The following SNTG2 variants were observed in gnomAD, a reference collection of about 807,000 sequenced individuals.
SNTG2 encodes gamma-2-syntrophin.
In SNTG2, 74 loss-of-function variants were observed where a neutral mutation model predicts 70.9. The observed-to-expected ratio is 1.04, with a 90% CI of 0.86 to 1.27. The LOEUF (loss-of-function observed/expected upper bound fraction) is 1.27. Ranked by LOEUF, SNTG2 falls within the 50% of genes most tolerant of loss-of-function variation. The pLI is 0.00. For missense variants in SNTG2, 717 were observed against 690.7 expected, an observed-to-expected ratio of 1.04 and a Z score of -0.43; for synonymous variants, 278 against 273.8, an observed-to-expected ratio of 1.02 and a Z score of -0.15.
intron 16 of SNTG2, among the ~76,000 whole-genome samples, chr2:1,335,180 C>T (rs898815848): frequency 1.5e-5 from 2 of 132,290 alleles, no homozygotes; most frequent in East Asian, 2.8e-4. Flanking sequence ...TACCCCCGTG[C>T]GTTCCTCTGC....
chr2:955,973 C>A (rs898768183), intron 1 of SNTG2, among the ~76,000 whole-genome samples: 3 of 128,096 alleles, frequency 2.3e-5, no homozygotes, highest in Non-Finnish European at 5.5e-5. Flanking sequence ...CTGCCCCTGC[C>A]CCTGCATCTG....
In SNTG2 at chr2:1,326,007, A is replaced by G. The variant is rs576525785; in HGVS notation, c.1488+9632A>G. ...TGTGACCACGCCCAGCTAATTTTAT[A>G]TTTTTAGTAGAGATGGGGTTTCACC... is the stretch of plus-strand genomic sequence containing the variant. On this transcript the variant is annotated intron_variant, in intron 16 of 16. Transcript: ENST00000308624. 2.6e-5 allele frequency among the ~76,000 whole-genome samples: 4 copies of G among 152,062 alleles called. No individual in the cohort carries two copies. In the South Asian group the frequency reaches 8.3e-4, roughly 32 times the overall value.
At chr2:1,341,119 G>T (rs1660063277) in intron 16 of SNTG2, 1 of 152,158 alleles carries the variant, frequency 6.6e-6, no homozygotes, top group Non-Finnish European at 1.5e-5. Flanking sequence ...GGGTTTGCAG[G>T]AGTCTACGTG....
chr2:1,215,096 G>C (rs544223315), intron 9 of SNTG2, among the ~76,000 whole-genome samples: 1 of 152,178 alleles, frequency 6.6e-6, no homozygotes, highest in Non-Finnish European at 1.5e-5. Flanking sequence ...ACTTGATCAT[G>C]GTGACTGATC....
rs372733390 is a variant in SNTG2, at chr2:1,187,370, C to G, written c.591+14187C>G. 1.1e-4 allele frequency among the ~76,000 whole-genome samples: 16 copies of G among 152,206 alleles called. 1 individual carries two copies. Among genetic ancestry groups the G allele is most frequent in the African/African-American group, 1.7e-4 (7 of 41,524 alleles). ...GGACCTCCCTAATCTGGGTGGGCCTCGTCCAATCAGTTGAAGGCCTTAAAA... is the reference window on the plus strand; with the variant it reads ...GGACCTCCCTAATCTGGGTGGGCCTGGTCCAATCAGTTGAAGGCCTTAAAA... On this transcript the variant is annotated intron_variant, in intron 8 of 16. Transcript: ENST00000308624.
chr2:1,026,683 A>T (rs540662043), intron 1 of SNTG2, among the ~76,000 whole-genome samples: 1 of 152,270 alleles, frequency 6.6e-6, no homozygotes, highest in South Asian at 2.1e-4. Flanking sequence ...AGCTCAGGAA[A>T]CAACCCTCGG....
At chr2:968,188 A>C (rs994757440) in intron 1 of SNTG2, among the ~76,000 whole-genome samples, 5 of 152,060 alleles carry the variant, frequency 3.3e-5, no homozygotes, top group African/African-American at 9.7e-5. Flanking sequence ...GGGCTTATTC[A>C]CATTATTCAT....
At chr2:1,221,355 GTC>G (rs1318552674) in intron 9 of SNTG2, among the ~76,000 whole-genome samples, 1 of 148,056 alleles carries the variant, frequency 6.8e-6, no homozygotes, top group Admixed American at 6.8e-5. Context: ...CTCTGCCTCT[GTC>G]TCTGCCTCTC....
intron 16 of SNTG2, among the ~76,000 whole-genome samples, chr2:1,317,700 A>G (rs112562192): frequency 1.7e-3 from 44 of 25,356 alleles, no homozygotes; most frequent in African/African-American, 3.3e-3. Context: ...GGATTCTGGA[A>G]CATTTAGTAT....
chr2:1,140,846 G>GA (rs11436722), intron 6 of SNTG2, among the ~76,000 whole-genome samples: 27,947 of 151,314 alleles, frequency 0.18, 2,649 homozygotes, highest in Non-Finnish European at 0.21. Flanking sequence ...GACCTAATTG[G>GA]AAAAAAAAAG....
chr2:1,320,930 C>T (rs975828951), intron 16 of SNTG2, among the ~76,000 whole-genome samples: 8 of 152,170 alleles, frequency 5.3e-5, no homozygotes, highest in African/African-American at 1.9e-4. Flanking sequence ...TCCATTTTTG[C>T]CTCTAGGCTG....
In SNTG2 at chr2:1,112,650, G is replaced by A. The variant is rs546485465; in HGVS notation, c.325+14240G>A. Among the ~76,000 whole-genome samples, 5 of 150,770 alleles carry A rather than the reference G, an allele frequency of 3.3e-5. No homozygotes were observed. The East Asian group carries it at 5.8e-4, about 18-fold the overall frequency. ...CTTTGAGGAGAATCATGTGTACTAA[G>A]TGAGGGTTAACCCTTACAGTCCTTT... On this transcript the variant is annotated intron_variant, in intron 4 of 16. Coordinates refer to ENST00000308624, the MANE Select transcript of SNTG2 (RefSeq NM_018968.4).
chr2:1,016,107 A>G (rs1277049731), intron 1 of SNTG2, among the ~76,000 whole-genome samples: 1 of 152,160 alleles, frequency 6.6e-6, no homozygotes, highest in Non-Finnish European at 1.5e-5. Context: ...ATATCTAAAT[A>G]TGTTACAGCT....
chr2:1,067,936 C>T (rs1197515673), intron 1 of SNTG2, among the ~76,000 whole-genome samples: 3 of 152,116 alleles, frequency 2.0e-5, no homozygotes, highest in Non-Finnish European at 4.4e-5. Flanking sequence ...ACTCCCGGAC[C>T]TCGGGAGTGG....
chr2:1,017,150 G>A (rs1231759543), intron 1 of SNTG2, among the ~76,000 whole-genome samples: 1 of 152,022 alleles, frequency 6.6e-6, no homozygotes, highest in Non-Finnish European at 1.5e-5. Context: ...ATGGCTTTAG[G>A]TCCTGTTTGT....
chr2:1,101,493 G>C (rs988328230), intron 4 of SNTG2, among the ~76,000 whole-genome samples: 2 of 152,226 alleles, frequency 1.3e-5, no homozygotes, highest in Admixed American at 1.3e-4. Flanking sequence ...TTTATTTTAT[G>C]TCTTCCATTC....
At chr2:1,267,618 C>A in intron 14 of SNTG2, 47 bp downstream of exon 14, 10 of 1,503,912 alleles carry the variant, frequency 6.6e-6, no homozygotes, top group Non-Finnish European at 9.2e-6. Context: ...GCTCGGGTGT[C>A]TGAGACATAG....
At chr2:1,239,872 G>T in intron 11 of SNTG2, 96 bp downstream of exon 11, 3 of 1,456,160 alleles carry the variant, frequency 2.1e-6, no homozygotes, top group Non-Finnish European at 2.8e-6. Context: ...GCAGTCTCTG[G>T]TTTTTTGAAA....
At chr2:1,042,739 A>G (rs1273393130) in intron 1 of SNTG2, among the ~76,000 whole-genome samples, 3 of 152,164 alleles carry the variant, frequency 2.0e-5, no homozygotes, top group Non-Finnish European at 4.4e-5. Flanking sequence ...CATGGTGTAT[A>G]TGGACCACAT....
Sources: gnomAD v4.1 joint callset for allele counts (sites outside exome capture counted in the v4.1 genomes callset) on GRCh38, gnomAD v4.1.1 for gene constraint, MANE v1.5 for transcripts, NCBI Gene and HGNC (gene_info 2026-07-23, HGNC 2026-07-21) for gene names.